PRTG: variants seen among roughly 807,000 people sequenced by gnomAD.
PRTG encodes the protein protogenin, also known as immunoglobulin superfamily, DCC subclass, member 5.
Under a neutral mutation model 122.5 loss-of-function variants are expected in PRTG, and 67 were observed. The observed-to-expected ratio is 0.55, with a 90% CI of 0.45 to 0.67. The LOEUF is 0.67. PRTG is among the 30% of genes least tolerant of loss of function. The pLI is 0.00. For missense variants in PRTG, 1,435 were observed against 1,415.4 expected (o/e 1.01, Z -0.22); for synonymous variants, 554 against 501.1 (o/e 1.11, Z -1.41).
Position 55,717,088 on chromosome 15 carries a change from T to A in PRTG, c.397+23294A>T, listed in dbSNP as rs182086278. ...TAGCTGACTAATAGAAACTTCCAAATCCCTAACTCTTTACTGTTCCATCCT... is the reference window on the plus strand; with the variant it reads ...TAGCTGACTAATAGAAACTTCCAAAACCCTAACTCTTTACTGTTCCATCCT... On this transcript the variant is annotated intron_variant, in intron 2 of 19. Transcript: ENST00000389286. Among the ~76,000 whole-genome samples the A allele has an allele frequency of 3.9e-3, 597 of 152,282 alleles. 4 individuals carry two copies. Among genetic ancestry groups the A allele is most frequent in the Non-Finnish European group, 6.5e-3 (443 of 68,018 alleles).
At position 55,639,744 on chromosome 15, in the gene PRTG, T is replaced by C. The variant is rs2059278985; in HGVS notation, c.2222A>G (p.His741Arg). 3 of 1,614,056 alleles carry C rather than the reference T, an allele frequency of 1.9e-6. No individual in the cohort carries two copies. The highest frequency in any genetic ancestry group is 2.5e-6 in the Non-Finnish European group (3 of 1,180,024). Residue 741 changes from histidine (H) to arginine (R), a missense_variant, in exon 13 of 20, where the codon CAC becomes CGC. His to Arg is a conservative substitution (Grantham distance 29, BLOSUM62 0). Coordinates refer to ENST00000389286, the MANE Select transcript of PRTG (RefSeq NM_173814.6). ...AGCGGTGAATGCAGGCCTCCTCCAGTGCAGGAAGATGGAAGATGAGGTGTT... is the reference window on the plus strand; with the variant it reads ...AGCGGTGAATGCAGGCCTCCTCCAGCGCAGGAAGATGGAAGATGAGGTGTT... ...KANTSSSIFL[H>R]WRRPAFTAAQ...
intron 2 of PRTG, among the ~76,000 whole-genome samples, chr15:55,723,638 A>C (rs2030911947): frequency 6.6e-6 from 1 of 152,224 alleles, no homozygotes; most frequent in South Asian, 2.1e-4. Context: ...ATACATTTAT[A>C]ATCGAACAGT....
intron 15 of PRTG, among the ~76,000 whole-genome samples, chr15:55,632,542 GT>G (rs1329043073): frequency 3.3e-5 from 5 of 152,006 alleles, no homozygotes; most frequent in Admixed American, 2.6e-4. Flanking sequence ...TCTGCCCTTA[GT>G]TACCTCCCTA....
Position 55,680,378 on chromosome 15 carries a change from C to T in PRTG, c.814+113G>A, listed in dbSNP as rs1179141481. 6 of 1,249,650 alleles carry T rather than the reference C, an allele frequency of 4.8e-6. No homozygotes were observed. In the South Asian group the frequency reaches 5.8e-5, roughly 12 times the overall value. The allele number at this position is 1,249,650 out of a possible 1,614,324, so 77.4% of individuals were successfully genotyped here. On this transcript the variant is annotated intron_variant, in intron 5 of 19. Coordinates refer to ENST00000389286, the MANE Select transcript of PRTG (RefSeq NM_173814.6). ...CACTGAAATGCCAAAAAAATTAAGA[C>T]ATTCAACAGCCAAACCTGTGTTTTT...
chr15:55,661,961 C>T (rs918741926), intron 11 of PRTG, among the ~76,000 whole-genome samples: 1 of 151,170 alleles, frequency 6.6e-6, no homozygotes, highest in African/African-American at 2.4e-5. Flanking sequence ...AATAACAAGA[C>T]AGATGTTTTT....
intron 2 of PRTG, among the ~76,000 whole-genome samples, chr15:55,736,676 G>C (rs879297017): frequency 5.9e-5 from 9 of 151,816 alleles, no homozygotes; most frequent in Admixed American, 5.9e-4. Flanking sequence ...TCAAAATTTT[G>C]GTTAAAAAAT....
In PRTG at chr15:55,641,065, A is replaced by T. The variant is rs756115126; in HGVS notation, c.2137+48T>A. On this transcript the variant is annotated intron_variant, in intron 12 of 19. Coordinates refer to ENST00000389286, the MANE Select transcript of PRTG (RefSeq NM_173814.6). ...GTAACTTAAAGGAGGAGGAGGAGAA[A>T]GAACGGTGTGAGCCATAGTAAAACA... 12 of 1,284,378 alleles carry T rather than the reference A, an allele frequency of 9.3e-6. No homozygotes were observed. In the East Asian group the frequency reaches 2.8e-4, roughly 30 times the overall value. The allele number at this position is 1,284,378 out of a possible 1,614,324, so 79.6% of individuals were successfully genotyped here.
intron 2 of PRTG, among the ~76,000 whole-genome samples, chr15:55,733,621 G>A (rs2141887685): frequency 6.6e-6 from 1 of 151,938 alleles, no homozygotes; most frequent in East Asian, 1.9e-4. Context: ...GAGCCCAGGA[G>A]TTCAAGGTCA....
intron 2 of PRTG, among the ~76,000 whole-genome samples, chr15:55,736,183 T>C (rs2031406512): frequency 6.6e-6 from 1 of 151,442 alleles, no homozygotes; most frequent in African/African-American, 2.4e-5. Context: ...GCCAGGTAAC[T>C]GCTCACAGCT....
At chr15:55,686,337 C>A (rs1595650842) in intron 2 of PRTG, among the ~76,000 whole-genome samples, 1 of 152,248 alleles carries the variant, frequency 6.6e-6, no homozygotes, top group Non-Finnish European at 1.5e-5. Context: ...TGACAGACTT[C>A]AAAATGGGAA....
At chr15:55,705,374 C>A (rs764033404) in intron 2 of PRTG, among the ~76,000 whole-genome samples, 3 of 152,226 alleles carry the variant, frequency 2.0e-5, no homozygotes, top group Non-Finnish European at 4.4e-5. Context: ...ATTTCCCTGA[C>A]CTTCCACTTG....
intron 2 of PRTG, among the ~76,000 whole-genome samples, chr15:55,727,480 GT>G (rs1323874321): frequency 1.3e-5 from 2 of 152,118 alleles, no homozygotes; most frequent in African/African-American, 4.8e-5. Context: ...CTTATAACAA[GT>G]GAAAAGATTG....
chr15:55,627,738 T>C (rs948013957), intron 16 of PRTG, among the ~76,000 whole-genome samples: 3 of 152,216 alleles, frequency 2.0e-5, no homozygotes, highest in Admixed American at 2.0e-4. Context: ...TAGATGTTCC[T>C]TGATAGACCC....
At chr15:55,741,772 G>A (rs1430923822) in intron 1 of PRTG, among the ~76,000 whole-genome samples, 1 of 152,132 alleles carries the variant, frequency 6.6e-6, no homozygotes, top group Non-Finnish European at 1.5e-5. Context: ...CCTGCTTCCC[G>A]TAATGTATGC....
intron 15 of PRTG, among the ~76,000 whole-genome samples, chr15:55,636,414 C>T (rs2059258044): frequency 6.6e-6 from 1 of 151,876 alleles, no homozygotes; most frequent in Admixed American, 6.6e-5. Context: ...CTATCAGAAA[C>T]CTAAGACTCA....
intron 2 of PRTG, among the ~76,000 whole-genome samples, chr15:55,696,085 C>T (rs1213011494): frequency 6.6e-6 from 1 of 151,968 alleles, no homozygotes. Context: ...GCCTGGGGAA[C>T]ACAGGGAGAT....
intron 2 of PRTG, among the ~76,000 whole-genome samples, chr15:55,730,968 T>C (rs557558666): frequency 2.6e-5 from 4 of 152,304 alleles, no homozygotes; most frequent in African/African-American, 9.6e-5. Context: ...GAGGAAGGCA[T>C]AATGATATTG....
At chr15:55,741,240 C>T (rs2031597336) in intron 1 of PRTG, among the ~76,000 whole-genome samples, 1 of 152,216 alleles carries the variant, frequency 6.6e-6, no homozygotes, top group Admixed American at 6.5e-5. Flanking sequence ...TATCTCCTCT[C>T]CTTGAAAGAA....
At position 55,638,141 on chromosome 15, in the gene PRTG, C is replaced by A. The variant is rs564876027; in HGVS notation, c.2452+408G>T. Among the ~76,000 whole-genome samples the A allele has an allele frequency of 7.2e-5, 11 of 152,304 alleles. No homozygotes were observed. The East Asian group carries it at 2.1e-3, about 29-fold the overall frequency. The stretch of plus-strand genomic sequence containing the variant: ...ATAAGCTACAGAATTGGTGCTCAAT[C>A]CGATATACAAATTGCACTGTGCACA... On this transcript the variant is annotated intron_variant, in intron 14 of 19. Coordinates refer to ENST00000389286, the MANE Select transcript of PRTG (RefSeq NM_173814.6).
Sources: gnomAD v4.1 joint callset for allele counts (sites outside exome capture counted in the v4.1 genomes callset) on GRCh38, gnomAD v4.1.1 for gene constraint, MANE v1.5 for transcripts, NCBI Gene and HGNC (gene_info 2026-07-23, HGNC 2026-07-21) for gene names.